The following HTR4 variants were observed in gnomAD, a reference collection of about 807,000 sequenced individuals.
HTR4 encodes 5-hydroxytryptamine receptor 4.
In HTR4, 16 loss-of-function variants were observed where a neutral mutation model predicts 36.8. The ratio of observed to expected loss-of-function variants is 0.43; its 90% confidence interval spans 0.29 to 0.66. The LOEUF is 0.66. Ranked by LOEUF, HTR4 falls within the 30% of genes least tolerant of loss-of-function variation. The pLI is 0.13. For synonymous variants in HTR4, 189 were observed against 185.1 expected (o/e 1.02, Z -0.17); for missense variants, 438 against 490.9 (o/e 0.89, Z 1.02).
intron 2 of HTR4, among the ~76,000 whole-genome samples, chr5:148,562,096 T>C (rs932262734): frequency 6.6e-6 from 1 of 152,330 alleles, no homozygotes; most frequent in Middle Eastern, 3.4e-3. Flanking sequence ...ACAATGGCCA[T>C]TGGGCCGAAT....
chr5:148,484,225 A>G lies in HTR4; in HGVS notation c.1077-932T>C, dbSNP rs200515795. 4.4e-6 allele frequency: 7 copies of G among 1,593,806 alleles called. No individual in the cohort carries two copies. The South Asian group carries it at 6.8e-5, about 16-fold the overall frequency. On this transcript the variant is annotated intron_variant, in intron 6 of 6. Transcript: ENST00000377888. The stretch of plus-strand genomic sequence containing the variant: ...TTTAGTTTTTCAGGCAAGGTAAAAA[A>G]TGTTGAGCAAGATAAAACAGAGAAT...
chr5:148,456,851 T>C (rs565234006), intron 5 of HTR4, among the ~76,000 whole-genome samples: 104 of 152,346 alleles, frequency 6.8e-4, no homozygotes, highest in African/African-American at 2.4e-3. Flanking sequence ...ACATATAATG[T>C]TTATTGGAAT....
intron 1 of HTR4, among the ~76,000 whole-genome samples, chr5:148,646,627 T>A (rs144155592): frequency 6.6e-6 from 1 of 152,138 alleles, no homozygotes; most frequent in African/African-American, 2.4e-5. Context: ...GAGCAAAAAA[T>A]AAAACTATAC....
intron 6 of HTR4, among the ~76,000 whole-genome samples, chr5:148,505,119 CT>C (rs1489337766): frequency 1.3e-5 from 2 of 152,046 alleles, no homozygotes; most frequent in Non-Finnish European, 2.9e-5. Flanking sequence ...TGCAAAAATC[CT>C]CAATAAAATA....
At chr5:148,477,220 C>T (rs1197922986), downstream of HTR4, among the ~76,000 whole-genome samples, 1 of 152,118 alleles carries the variant, frequency 6.6e-6, no homozygotes, top group African/African-American at 2.4e-5. Context: ...ATTACATAGC[C>T]AGATTGATTT....
intron 5 of HTR4, among the ~76,000 whole-genome samples, chr5:148,463,383 C>T (rs796201326): frequency 4.6e-4 from 69 of 151,270 alleles, no homozygotes; most frequent in African/African-American, 1.6e-3. Context: ...GGTTTCACCA[C>T]GTTGGCCAGG....
rs1759619370 is a variant in HTR4, at chr5:148,550,292, G to A, written c.27-30C>T. The A allele has an allele frequency of 2.5e-6, 4 of 1,610,786 alleles. No individual in the cohort carries two copies. In the South Asian group the frequency reaches 4.4e-5, roughly 18 times the overall value. On this transcript the variant is annotated intron_variant, in intron 2 of 6. Transcript: ENST00000377888. ...AAGACACACACAAGCACAAAGAATT[G>A]AATGAAACTCTGGGACACAAGAAGG...
At chr5:148,644,435 T>TG (rs1227430571) in intron 1 of HTR4, among the ~76,000 whole-genome samples, 1 of 141,490 alleles carries the variant, frequency 7.1e-6, no homozygotes, top group Non-Finnish European at 1.5e-5. Context: ...TTTTTTTTTT[T>TG]TTTTTTTTTT....
At chr5:148,499,564 T>C (rs1333869557) in intron 6 of HTR4, among the ~76,000 whole-genome samples, 1 of 152,246 alleles carries the variant, frequency 6.6e-6, no homozygotes, top group African/African-American at 2.4e-5. Context: ...AATATGTTAG[T>C]TCTCCCTCAG....
At chr5:148,480,471 T>C (rs1755840756), downstream of HTR4, among the ~76,000 whole-genome samples, 1 of 152,160 alleles carries the variant, frequency 6.6e-6, no homozygotes, top group Non-Finnish European at 1.5e-5. Flanking sequence ...CTCTGCCTCA[T>C]GGATTTAAGC....
intron 6 of HTR4, among the ~76,000 whole-genome samples, chr5:148,497,817 TA>T (rs796852298): frequency 3.3e-5 from 5 of 152,340 alleles, no homozygotes; most frequent in African/African-American, 1.2e-4. Context: ...CTCTTTCTAA[TA>T]CATGCATGCA....
chr5:148,459,073 G>A (rs1314824629), intron 5 of HTR4, among the ~76,000 whole-genome samples: 2 of 152,136 alleles, frequency 1.3e-5, no homozygotes, highest in African/African-American at 4.8e-5. Flanking sequence ...AGATGTAGTT[G>A]GATTCAGGAT....
downstream of HTR4, chr5:148,476,582 C>G: frequency 6.9e-7 from 1 of 1,456,254 alleles, no homozygotes; most frequent in Admixed American, 2.7e-5. Context: ...GCAAAGTGGG[C>G]TGGTACAGTG....
intron 2 of HTR4, among the ~76,000 whole-genome samples, chr5:148,606,186 G>T (rs190075987): frequency 1.3e-5 from 2 of 152,202 alleles, no homozygotes; most frequent in Admixed American, 6.5e-5. Flanking sequence ...AATATGAGAA[G>T]TACTTTGAAA....
intron 2 of HTR4, among the ~76,000 whole-genome samples, chr5:148,553,061 T>G (rs1759774525): frequency 6.6e-6 from 1 of 152,240 alleles, no homozygotes; most frequent in South Asian, 2.1e-4. Context: ...ATTCACATAT[T>G]CATTCATTTA....
At position 148,539,491 on chromosome 5, in the gene HTR4, A is replaced by G. The variant is rs935647180; in HGVS notation, c.353+9177T>C. Among the ~76,000 whole-genome samples the G allele has an allele frequency of 4.6e-5, 7 of 152,348 alleles. No individual in the cohort carries two copies. The East Asian group carries it at 1.3e-3, about 29-fold the overall frequency. ...TGCATCTGACAAAGGTCTAATATCC[A>G]GCATTTATAAGGAACTTAAACAAAT... On this transcript the variant is annotated intron_variant, in intron 4 of 6. Coordinates refer to ENST00000377888, the MANE Select transcript of HTR4 (RefSeq NM_000870.7).
At chr5:148,489,241 A>G (rs796709540) in intron 6 of HTR4, among the ~76,000 whole-genome samples, 5 of 152,278 alleles carry the variant, frequency 3.3e-5, no homozygotes, top group African/African-American at 1.2e-4. Flanking sequence ...ATCCTATCAC[A>G]TGGGTTTTAT....
intron 2 of HTR4, among the ~76,000 whole-genome samples, chr5:148,627,392 C>G (rs1753156231): frequency 6.6e-6 from 1 of 152,214 alleles, no homozygotes; most frequent in Non-Finnish European, 1.5e-5. Context: ...TCCACATACG[C>G]TTTTTCTGGC....
chr5:148,534,326 G>T (rs980455694), intron 4 of HTR4, among the ~76,000 whole-genome samples: 2 of 152,198 alleles, frequency 1.3e-5, no homozygotes, highest in African/African-American at 4.8e-5. Flanking sequence ...ATACCTCCAT[G>T]TAGTGGGAGA....
Sources: allele counts gnomAD v4.1 joint callset (sites outside exome capture counted in the v4.1 genomes callset), GRCh38; gene constraint gnomAD v4.1.1; transcripts MANE v1.5; gene names NCBI Gene and HGNC (gene_info 2026-07-23, HGNC 2026-07-21).